Variants in CERS3 observed in about 807,000 individuals in gnomAD.
CERS3 encodes ceramide synthase 3, also known as LAG1 homolog, ceramide synthase 3.
Under a neutral mutation model 50.3 loss-of-function variants are expected in CERS3, and 33 were observed. That is an observed-to-expected ratio of 0.66 (90% CI 0.50 to 0.88). The LOEUF (loss-of-function observed/expected upper bound fraction) is 0.88, where lower values mean the gene tolerates loss of function less well. Among genes scored for constraint, CERS3 ranks in the 40% least tolerant of loss-of-function variants. The pLI is 0.00. For synonymous variants in CERS3, 176 were observed against 155.2 expected, an observed-to-expected ratio of 1.13 and a Z score of -0.99; for missense variants, 470 against 460.3, an observed-to-expected ratio of 1.02 and a Z score of -0.19.
At chr15:100,425,954 G>C (rs2032786669) in intron 11 of CERS3, 1 of 152,166 alleles carries the variant, frequency 6.6e-6, no homozygotes, top group Non-Finnish European at 1.5e-5. Flanking sequence ...TTAAAAGTGT[G>C]TAGCACCTCC....
At chr15:100,452,096 G>A (rs149194949) in intron 11 of CERS3, among the ~76,000 whole-genome samples, 10 of 150,504 alleles carry the variant, frequency 6.6e-5, no homozygotes, top group Admixed American at 6.6e-5. Context: ...AAGAAACATT[G>A]GATTTAAACT....
At position 100,438,447 on chromosome 15, in the gene CERS3, T is replaced by C. The variant is rs562334755; in HGVS notation, c.999+17446A>G. Among the ~76,000 whole-genome samples, 78 of 152,334 alleles carry C rather than the reference T, an allele frequency of 5.1e-4. 1 individual carries two copies. The highest frequency in any genetic ancestry group is 1.2e-3 in the South Asian group (6 of 4,830). Reference sequence around the variant, plus strand: ...TTGAAAATTTTTGAATATTCACTATTTTATAACTCCATACAAGTATTTTAA... The same window carrying C: ...TTGAAAATTTTTGAATATTCACTATCTTATAACTCCATACAAGTATTTTAA... On this transcript the variant is annotated intron_variant, in intron 11 of 11. Coordinates refer to ENST00000679737, the MANE Select transcript of CERS3 (RefSeq NM_001378789.1).
intron 9 of CERS3, among the ~76,000 whole-genome samples, chr15:100,471,137 G>A (rs1015328115): frequency 6.6e-6 from 1 of 152,140 alleles, no homozygotes; most frequent in Non-Finnish European, 1.5e-5. Context: ...CATGACTTGT[G>A]GATCAAGAAT....
intron 11 of CERS3, among the ~76,000 whole-genome samples, chr15:100,435,789 C>A (rs2654600): frequency 2.0e-5 from 3 of 151,942 alleles, no homozygotes; most frequent in Admixed American, 2.0e-4. Flanking sequence ...AAAAAACAAA[C>A]AACCCCATCA....
chr15:100,514,885 A>G (rs1187513929), intron 2 of CERS3, among the ~76,000 whole-genome samples: 2 of 152,222 alleles, frequency 1.3e-5, no homozygotes, highest in African/African-American at 2.4e-5. Flanking sequence ...CACTGATTCA[A>G]CATTAGGAAA....
At chr15:100,408,076 T>G (rs921588326) in intron 11 of CERS3, among the ~76,000 whole-genome samples, 1 of 152,200 alleles carries the variant, frequency 6.6e-6, no homozygotes, top group East Asian at 1.9e-4. Flanking sequence ...TTCACTATGT[T>G]GGCCAGGCTG....
chr15:100,405,249 CAAAA>C (rs945329307), intron 11 of CERS3, among the ~76,000 whole-genome samples: 8 of 39,162 alleles, frequency 2.0e-4, no homozygotes, highest in South Asian at 8.5e-4. Flanking sequence ...AAAAAAAAAA[CAAAA>C]AAAAACCCCT....
intron 2 of CERS3, among the ~76,000 whole-genome samples, chr15:100,519,673 A>C (rs1028571924): frequency 2.0e-5 from 3 of 152,174 alleles, no homozygotes; most frequent in African/African-American, 7.2e-5. Flanking sequence ...CTAGTACACA[A>C]GGTTGGGAAT....
rs377191111 is a variant in CERS3, at chr15:100,497,896, C to CTTT, written c.173+3778_173+3780dup. 1.1e-3 allele frequency among the ~76,000 whole-genome samples: 69 copies of CTTT among 63,620 alleles called. 3 individuals carry two copies. Among genetic ancestry groups the CTTT allele is most frequent in the African/African-American group, 1.6e-3 (31 of 19,056 alleles). The allele number at this position is 63,620 out of a possible 152,430, so 41.7% of individuals were successfully genotyped here. The stretch of plus-strand genomic sequence containing the variant: ...ACACACACACACACACACACACACA[C>CTTT]TTTTTTTTTTTTTTTTGAGATGGAG... On this transcript the variant is annotated intron_variant, in intron 3 of 11. Coordinates refer to ENST00000679737, the MANE Select transcript of CERS3 (RefSeq NM_001378789.1).
intron 9 of CERS3, among the ~76,000 whole-genome samples, chr15:100,470,505 C>G (rs1466930): frequency 0.43 from 65,216 of 151,644 alleles, 14,718 homozygotes; most frequent in Middle Eastern, 0.53. Context: ...TGGAGAGAAA[C>G]GCCCAAATTC....
At chr15:100,543,181 G>C (rs941799213) in intron 1 of CERS3, among the ~76,000 whole-genome samples, 1 of 152,102 alleles carries the variant, frequency 6.6e-6, no homozygotes, top group African/African-American at 2.4e-5. Flanking sequence ...CAAAGTGCTA[G>C]GATTACATGC....
At chr15:100,460,416 CT>C (rs2034511484) in intron 10 of CERS3, among the ~76,000 whole-genome samples, 1 of 152,182 alleles carries the variant, frequency 6.6e-6, no homozygotes. Context: ...GGTTTACCTT[CT>C]GGTACCCACA....
intron 11 of CERS3, among the ~76,000 whole-genome samples, chr15:100,446,339 T>C (rs1295403622): frequency 6.6e-6 from 1 of 151,196 alleles, no homozygotes; most frequent in African/African-American, 2.4e-5. Flanking sequence ...TCATCAGTAA[T>C]TCAGTTCAAG....
intron 11 of CERS3, among the ~76,000 whole-genome samples, chr15:100,405,016 A>C (rs1005719029): frequency 6.6e-6 from 1 of 152,194 alleles, no homozygotes; most frequent in African/African-American, 2.4e-5. Flanking sequence ...TTTTAGAAGA[A>C]AACCCATGAC....
Position 100,476,092 on chromosome 15 carries a change from C to A in CERS3, c.603G>T (p.Lys201Asn). ...TTGTAAATAAGACACTTACCTTTCTCTTGACATCAAAGCCAAGTCTAAATA... is the reference window on the plus strand; with the variant it reads ...TTGTAAATAAGACACTTACCTTTCTATTGACATCAAAGCCAAGTCTAAATA... ...SLLFRLGFDVKRKDFLAHIIH... is the reference protein window; with the variant it reads ...SLLFRLGFDVNRKDFLAHIIH... The change falls in exon 8 of 12, where the codon AAG (lysine) becomes AAT (asparagine). Residue 201 changes from lysine to asparagine, a missense_variant. Coordinates refer to ENST00000679737, the MANE Select transcript of CERS3 (RefSeq NM_001378789.1). The A allele has an allele frequency of 6.4e-7, 1 of 1,562,466 alleles. No individual in the cohort carries two copies. Among genetic ancestry groups the A allele is most frequent in the Non-Finnish European group, 8.6e-7 (1 of 1,159,852 alleles).
intron 2 of CERS3, among the ~76,000 whole-genome samples, chr15:100,512,408 G>A (rs952078134): frequency 2.6e-5 from 4 of 152,150 alleles, no homozygotes; most frequent in African/African-American, 7.2e-5. Context: ...CTCCCTTGGG[G>A]GTGTTGTGGC....
chr15:100,442,287 A>T (rs2587815), intron 11 of CERS3, among the ~76,000 whole-genome samples: 2 of 152,148 alleles, frequency 1.3e-5, no homozygotes, highest in African/African-American at 2.4e-5. Context: ...TCTCAATATA[A>T]ATTTTATTAC....
intron 1 of CERS3, chr15:100,544,175 C>G (rs1487227848): frequency 6.6e-6 from 1 of 152,416 alleles, no homozygotes; most frequent in Non-Finnish European, 1.5e-5. Context: ...CAACCCTCTT[C>G]TCAATTTGCA....
At chr15:100,517,158 CACA>C (rs1451500372) in intron 2 of CERS3, among the ~76,000 whole-genome samples, 2 of 152,188 alleles carry the variant, frequency 1.3e-5, no homozygotes, top group Non-Finnish European at 2.9e-5. Flanking sequence ...TAAAAATAGA[CACA>C]ACATTTTATG....
Sources: gnomAD v4.1 joint callset for allele counts (sites outside exome capture counted in the v4.1 genomes callset) on GRCh38, gnomAD v4.1.1 for gene constraint, MANE v1.5 for transcripts, NCBI Gene and HGNC (gene_info 2026-07-23, HGNC 2026-07-21) for gene names.